The following PTPRD variants were observed in gnomAD, a reference collection of about 807,000 sequenced individuals.
PTPRD encodes protein tyrosine phosphatase receptor type D, also known as receptor-type tyrosine-protein phosphatase delta.
A neutral mutation model predicts 214.5 loss-of-function variants in PTPRD; 34 were observed. That is an observed-to-expected ratio of 0.16 (90% confidence interval 0.12 to 0.21). The LOEUF (loss-of-function observed/expected upper bound fraction) is 0.21, where lower values mean the gene tolerates loss of function less well. PTPRD is among the 10% of genes least tolerant of loss of function. PTPRD has a pLI of 1.00. For synonymous variants in PTPRD, 1,128 were observed against 845.7 expected (o/e 1.33, Z -5.79); for missense variants, 2,545 against 2,398.7 (o/e 1.06, Z -1.27).
intron 8 of PTPRD, among the ~76,000 whole-genome samples, chr9:9,511,262 C>T (rs867478279): frequency 1.3e-5 from 2 of 151,686 alleles, no homozygotes; most frequent in Non-Finnish European, 3.0e-5. Context: ...AAAGAGTACA[C>T]GTACTGATCA....
intron 2 of PTPRD, among the ~76,000 whole-genome samples, chr9:10,568,872 C>T (rs901977562): frequency 6.6e-6 from 1 of 152,164 alleles, no homozygotes; most frequent in Non-Finnish European, 1.5e-5. Flanking sequence ...GCAAGGACTT[C>T]ATGTCTAAAA....
intron 35 of PTPRD, among the ~76,000 whole-genome samples, chr9:8,431,557 C>T (rs1485076424): frequency 6.6e-6 from 1 of 152,086 alleles, no homozygotes; most frequent in Non-Finnish European, 1.5e-5. Flanking sequence ...TGTGATGATG[C>T]CTACTGATTA....
intron 12 of PTPRD, among the ~76,000 whole-genome samples, chr9:8,652,097 T>C (rs1428042068): frequency 6.6e-6 from 1 of 152,168 alleles, no homozygotes; most frequent in Non-Finnish European, 1.5e-5. Flanking sequence ...CTTTTTCCCC[T>C]GTCCTCTAAT....
chr9:8,903,692 T>G (rs1169020595), intron 11 of PTPRD, among the ~76,000 whole-genome samples: 1 of 152,220 alleles, frequency 6.6e-6, no homozygotes, highest in Non-Finnish European at 1.5e-5. Context: ...GTAATTATCT[T>G]CTGTGGGCTT....
intron 8 of PTPRD, among the ~76,000 whole-genome samples, chr9:9,498,000 T>C (rs1239092885): frequency 1.3e-5 from 2 of 152,232 alleles, no homozygotes; most frequent in Admixed American, 6.5e-5. Flanking sequence ...ATGAGTAATG[T>C]ATTTTGCTTG....
chr9:8,434,749 T>C (rs16927858), intron 35 of PTPRD, among the ~76,000 whole-genome samples: 28,438 of 152,168 alleles, frequency 0.19, 3,178 homozygotes, highest in East Asian at 0.41. Context: ...TTCATAAAAA[T>C]TGACATAACT....
At chr9:10,277,026 G>A (rs1192380175) in intron 3 of PTPRD, among the ~76,000 whole-genome samples, 1 of 152,164 alleles carries the variant, frequency 6.6e-6, no homozygotes, top group Non-Finnish European at 1.5e-5. Flanking sequence ...GAAGGAGAGT[G>A]AGAGAAAGGA....
At chr9:8,714,262 C>T (rs2098404847) in intron 12 of PTPRD, among the ~76,000 whole-genome samples, 4 of 152,110 alleles carry the variant, frequency 2.6e-5, no homozygotes, top group Admixed American at 2.6e-4. Flanking sequence ...CCTAACAAAG[C>T]ACAAATATAA....
intron 11 of PTPRD, among the ~76,000 whole-genome samples, chr9:8,830,715 T>C (rs899027455): frequency 6.6e-6 from 1 of 152,068 alleles, no homozygotes; most frequent in Non-Finnish European, 1.5e-5. Flanking sequence ...GAAGACTTTT[T>C]AAAAAGAGAA....
intron 3 of PTPRD, among the ~76,000 whole-genome samples, chr9:10,092,002 G>A (rs1193146468): frequency 6.6e-6 from 1 of 151,296 alleles, no homozygotes; most frequent in Non-Finnish European, 1.5e-5. Flanking sequence ...TAATGAGATT[G>A]TACATTTTGG....
intron 11 of PTPRD, among the ~76,000 whole-genome samples, chr9:8,963,863 C>T (rs2099171706): frequency 6.6e-6 from 1 of 152,134 alleles, no homozygotes; most frequent in Non-Finnish European, 1.5e-5. Flanking sequence ...GTCCTCCTGC[C>T]TCGGTCTTCC....
chr9:8,934,440 T>TAA lies in PTPRD; in HGVS notation c.-104+84256_-104+84257insTT, dbSNP rs2098977109. Among the ~76,000 whole-genome samples the TAA allele has an allele frequency of 6.9e-4, 29 of 42,324 alleles. 1 individual carries two copies. Among genetic ancestry groups the TAA allele is most frequent in the Non-Finnish European group, 1.2e-3 (24 of 20,422 alleles). The allele number at this position is 42,324 out of a possible 152,430, so 27.8% of individuals were successfully genotyped here. On this transcript the variant is annotated intron_variant, in intron 11 of 45. Coordinates refer to ENST00000381196, the MANE Select transcript of PTPRD (RefSeq NM_002839.4). ...GTGTGTGTATATATATATATAAATA[T>TAA]ATATATAAATTTATATATATATAAA...
chr9:9,637,300 A>C (rs1311220174), intron 7 of PTPRD, among the ~76,000 whole-genome samples: 1 of 152,198 alleles, frequency 6.6e-6, no homozygotes, highest in Non-Finnish European at 1.5e-5. Flanking sequence ...TTAAATATCA[A>C]ATATGGGTGA....
intron 9 of PTPRD, among the ~76,000 whole-genome samples, chr9:9,349,579 C>A (rs1479557763): frequency 7.4e-6 from 1 of 136,046 alleles, no homozygotes; most frequent in Non-Finnish European, 1.5e-5. Context: ...GGATTTTTTT[C>A]ATTTCTCTAA....
In PTPRD at chr9:10,564,186, T is replaced by TTTTTTTTTTTTTC. The variant is rs2064943624; in HGVS notation, c.-600+48211_-600+48212insGAAAAAAAAAAAA. On this transcript the variant is annotated intron_variant, in intron 2 of 45. Transcript: ENST00000381196. ...CTAGGCTATTCTTTTTTTTTTTTTTTTTTTTTTTTGAGACATAGGGGTTTC... is the reference window on the plus strand; with the variant it reads ...CTAGGCTATTCTTTTTTTTTTTTTTTTTTTTTTTTTTTCTTTTTTTTTGAGACATAGGGGTTTC... 1.7e-5 allele frequency among the ~76,000 whole-genome samples: 2 copies of TTTTTTTTTTTTTC among 119,130 alleles called. 1 individual carries two copies. The highest frequency in any genetic ancestry group is 6.2e-5 in the African/African-American group (2 of 32,144). 78.2% of individuals were successfully genotyped at this position (119,130 alleles called of 152,430 possible).
At chr9:8,923,231 A>G (rs1199165770) in intron 11 of PTPRD, among the ~76,000 whole-genome samples, 1 of 151,432 alleles carries the variant, frequency 6.6e-6, no homozygotes, top group Admixed American at 6.6e-5. Context: ...TAGTAGAGAC[A>G]GGGTTTCACC....
intron 44 of PTPRD, among the ~76,000 whole-genome samples, chr9:8,324,806 G>C (rs182405380): frequency 6.6e-6 from 1 of 151,248 alleles, no homozygotes; most frequent in Non-Finnish European, 1.5e-5. Flanking sequence ...ATTGGTGTAA[G>C]ATGGTATCTC....
At chr9:8,726,620 T>TG (rs2098573954) in intron 12 of PTPRD, among the ~76,000 whole-genome samples, 1 of 9,442 alleles carries the variant, frequency 1.1e-4, no homozygotes, top group Non-Finnish European at 2.0e-4. Context: ...TATATATATA[T>TG]ATATATATAT....
At chr9:10,377,430 T>A (rs917965420) in intron 2 of PTPRD, among the ~76,000 whole-genome samples, 3 of 151,928 alleles carry the variant, frequency 2.0e-5, no homozygotes, top group African/African-American at 2.4e-5. Context: ...CCTAATGCTA[T>A]CCCTCCCCTC....
Sources: gnomAD v4.1 joint callset for allele counts (sites outside exome capture counted in the v4.1 genomes callset) on GRCh38, gnomAD v4.1.1 for gene constraint, MANE v1.5 for transcripts, NCBI Gene and HGNC (gene_info 2026-07-23, HGNC 2026-07-21) for gene names.